CEP104: variants seen among roughly 807,000 people sequenced by gnomAD.
CEP104 encodes centrosomal protein 104, also known as centrosomal protein of 104 kDa.
In CEP104, 84 loss-of-function variants were observed where a neutral mutation model predicts 113.3. That is an observed-to-expected ratio of 0.74 (90% confidence interval 0.62 to 0.89). CEP104 has a LOEUF of 0.89. Among genes scored for constraint, CEP104 ranks in the 40% least tolerant of loss-of-function variants. The pLI is 0.00. For missense variants in CEP104, 1,053 were observed against 1,156.6 expected (o/e 0.91, Z 1.30); for synonymous variants, 378 against 421.7 (o/e 0.90, Z 1.27).
chr1:3,817,250 G>A (rs182585648), intron 20 of CEP104, among the ~76,000 whole-genome samples: 408 of 152,308 alleles, frequency 2.7e-3, no homozygotes, highest in Admixed American at 4.3e-3. Flanking sequence ...GCTGAGGCAG[G>A]AGAATTGCTT....
At chr1:3,833,209 A>G (rs6673807) in intron 12 of CEP104, among the ~76,000 whole-genome samples, 137,561 of 151,954 alleles carry the variant, frequency 0.91, 62,925 homozygotes, top group Middle Eastern at 0.97. Flanking sequence ...TCGATCTCCT[A>G]ACCTTGTGAT....
At chr1:3,818,146 C>T (rs1216807385) in intron 20 of CEP104, among the ~76,000 whole-genome samples, 3 of 152,232 alleles carry the variant, frequency 2.0e-5, no homozygotes, top group Admixed American at 6.5e-5. Flanking sequence ...AGGACGCCAC[C>T]CTCGTCAGGC....
At chr1:3,835,240 G>C in intron 10 of CEP104, 148 bp from the exon 11 acceptor site, 3 of 535,396 alleles carry the variant, frequency 5.6e-6, no homozygotes, top group Non-Finnish European at 9.0e-6. Flanking sequence ...TCTAATAATA[G>C]AACTTTTACA....
rs375710618 is a variant in CEP104 at position 3,821,575 on chromosome 1, G to A, written c.2571+1599C>T. Among the ~76,000 whole-genome samples the A allele has an allele frequency of 2.0e-5, 3 of 152,302 alleles. No individual in the cohort carries two copies. The East Asian group carries it at 5.8e-4, about 29-fold the overall frequency. ...GACAGAATGAGGCCCCTCCTGAGTC[G>A]GTGGGTTAGGCCTTGAGCCTCAGCA... On this transcript the variant is annotated intron_variant, in intron 20 of 21. Transcript: ENST00000378230.
intron 7 of CEP104, 65 bp from the exon 8 acceptor site, chr1:3,839,184 AT>A: frequency 7.0e-7 from 1 of 1,426,760 alleles, no homozygotes; most frequent in Non-Finnish European, 9.9e-7. Context: ...TGCAAAGCTA[AT>A]TTTTAAGAAT....
chr1:3,822,335 T>A (rs1383759906), intron 20 of CEP104, among the ~76,000 whole-genome samples: 1 of 152,124 alleles, frequency 6.6e-6, no homozygotes, highest in African/African-American at 2.4e-5. Context: ...CTGTTTGGTG[T>A]GAGTTTTCTG....
At chr1:3,853,628 G>A (rs1217247547) in intron 1 of CEP104, among the ~76,000 whole-genome samples, 2 of 152,070 alleles carry the variant, frequency 1.3e-5, no homozygotes, top group East Asian at 3.8e-4. Flanking sequence ...TTAATTATTG[G>A]CTGGCATTAT....
At chr1:3,836,759 C>A in intron 9 of CEP104, 67 bp from the exon 10 acceptor site, 1 of 1,415,554 alleles carries the variant, frequency 7.1e-7, no homozygotes, top group Non-Finnish European at 9.9e-7. Context: ...CAGTGCAACT[C>A]TCACTGGCAG....
chr1:3,848,824 A>G lies in CEP104; in HGVS notation c.114-43T>C, dbSNP rs758636973. ...TTTATATTTTCTGAACAACTTCTGC[A>G]GAGGGTTTCTAGATGCTAGCATCTC... On this transcript the variant is annotated intron_variant, in intron 2 of 21. Transcript: ENST00000378230. 9 of 1,544,688 alleles carry G rather than the reference A, an allele frequency of 5.8e-6. No individual in the cohort carries two copies. In the South Asian group the frequency reaches 1.0e-4, roughly 18 times the overall value.
rs1052846106 is a variant in CEP104, at chr1:3,819,016, C to A, written c.2572-2646G>T. Among the ~76,000 whole-genome samples the A allele has an allele frequency of 6.6e-6, 1 of 152,218 alleles. No homozygotes were observed. Among genetic ancestry groups the A allele is most frequent in the Non-Finnish European group, 1.5e-5 (1 of 68,042 alleles). On this transcript the variant is annotated intron_variant, in intron 20 of 21. Transcript: ENST00000378230. The surrounding 1 kb of genome is among the most constrained non-coding windows in gnomAD (Gnocchi z 4.6). Reference sequence around the variant, plus strand: ...ATTTGAATCTCAGATCCACTCGGAGCTTTCTTCTGAGCAGTGTGGAGGGTG... The same window carrying A: ...ATTTGAATCTCAGATCCACTCGGAGATTTCTTCTGAGCAGTGTGGAGGGTG...
At chr1:3,835,340 G>C (rs1247822363) in intron 10 of CEP104, among the ~76,000 whole-genome samples, 1 of 152,144 alleles carries the variant, frequency 6.6e-6, no homozygotes, top group East Asian at 1.9e-4. Flanking sequence ...TTCTCCAAGA[G>C]AAATATTTTA....
At chr1:3,816,886 C>T (rs528942978) in intron 20 of CEP104, among the ~76,000 whole-genome samples, 242 of 152,372 alleles carry the variant, frequency 1.6e-3, no homozygotes, top group Non-Finnish European at 2.6e-3. Flanking sequence ...CCTGGGCAGC[C>T]AGCTTCTTTC....
At position 3,819,709 on chromosome 1, in the gene CEP104, T is replaced by G. The variant is rs1173860089; in HGVS notation, c.2572-3339A>C. 6.6e-6 allele frequency among the ~76,000 whole-genome samples: 1 copy of G among 152,068 alleles called. No individual in the cohort carries two copies. The highest frequency in any genetic ancestry group is 1.5e-5 in the Non-Finnish European group (1 of 68,012). On this transcript the variant is annotated intron_variant, in intron 20 of 21. Transcript: ENST00000378230. The surrounding 1 kb of genome is among the most constrained non-coding windows in gnomAD (Gnocchi z 4.6). ...ACAGAAGATTGAGCAGTCTTCACAC[T>G]CACGAGCCTGCAGGCAGGAGAGAAG...
chr1:3,853,446 C>T (rs886296457), intron 1 of CEP104, among the ~76,000 whole-genome samples: 4 of 151,488 alleles, frequency 2.6e-5, no homozygotes, highest in Non-Finnish European at 5.9e-5. Flanking sequence ...ATAAAGAAGA[C>T]TCCATCAGAA....
chr1:3,833,127 C>T (rs549406204), intron 12 of CEP104, among the ~76,000 whole-genome samples: 40 of 151,964 alleles, frequency 2.6e-4, no homozygotes, highest in Non-Finnish European at 4.7e-4. Context: ...ACGACAGGCA[C>T]GCACCACCAC....
intron 20 of CEP104, among the ~76,000 whole-genome samples, chr1:3,817,198 C>T (rs894218538): frequency 2.6e-5 from 4 of 152,062 alleles, no homozygotes; most frequent in African/African-American, 9.7e-5. Flanking sequence ...GGTGTGGTGG[C>T]GCATCTCGTG....
At chr1:3,843,844 C>T (rs538793857) in intron 6 of CEP104, among the ~76,000 whole-genome samples, 66 of 152,190 alleles carry the variant, frequency 4.3e-4, no homozygotes, top group African/African-American at 1.6e-3. Flanking sequence ...TCACCACAAC[C>T]TTCACCTCCC....
Position 3,834,042 on chromosome 1 carries a change from G to C in CEP104, c.1486-7C>G. On this transcript the variant is annotated splice_region_variant and splice_polypyrimidine_tract_variant and intron_variant, in intron 11 of 21. Transcript: ENST00000378230. The stretch of plus-strand genomic sequence containing the variant: ...TCAAAGAAGCCTGAAAAACCTAAGA[G>C]AAAAGTGATGAACACGGATGAGTTA... 6.8e-6 allele frequency: 11 copies of C among 1,609,280 alleles called. No individual in the cohort carries two copies. Among genetic ancestry groups the C allele is most frequent in the Non-Finnish European group, 9.4e-6 (11 of 1,175,878 alleles).
At chr1:3,841,297 A>G (rs948950057) in intron 6 of CEP104, among the ~76,000 whole-genome samples, 6 of 151,984 alleles carry the variant, frequency 3.9e-5, no homozygotes, top group Non-Finnish European at 7.3e-5. Context: ...CCCCTCTGGC[A>G]TCTCCCCACC....
Sources: allele counts gnomAD v4.1 joint callset (sites outside exome capture counted in the v4.1 genomes callset), GRCh38; gene constraint gnomAD v4.1.1; non-coding constraint Gnocchi (gnomAD v3.1); transcripts MANE v1.5; gene names NCBI Gene and HGNC (gene_info 2026-07-23, HGNC 2026-07-21).